Variants in KMT2C observed in about 807,000 individuals in gnomAD.
The protein encoded by KMT2C is histone-lysine N-methyltransferase 2C.
KMT2C carries 88 observed loss-of-function variants against 507.9 expected under a neutral mutation model. The observed-to-expected ratio is 0.17, with a 90% CI of 0.15 to 0.21. KMT2C has a LOEUF of 0.21. Ranked by LOEUF, KMT2C falls within the 10% of genes least tolerant of loss-of-function variation. The pLI, the probability that KMT2C is intolerant of heterozygous loss-of-function variation, is 1.00. For synonymous variants in KMT2C, 2,049 were observed against 2,080.8 expected, an observed-to-expected ratio of 0.98 and a Z score of 0.42; for missense variants, 4,954 against 5,957.8, an observed-to-expected ratio of 0.83 and a Z score of 5.55.
chr7:152,219,046 T>A (rs2129144738), intron 23 of KMT2C, among the ~76,000 whole-genome samples: 1 of 152,038 alleles, frequency 6.6e-6, no homozygotes, highest in Non-Finnish European at 1.5e-5. Flanking sequence ...CTCAGCTCAC[T>A]GTAACCTCCG....
intron 1 of KMT2C, chr7:152,367,933 A>G (rs1253110604): frequency 5.1e-6 from 5 of 979,944 alleles, no homozygotes; most frequent in Non-Finnish European, 8.2e-6. Flanking sequence ...CTTATTGCCA[A>G]AGCAGACACA....
chr7:152,232,968 T>C (rs1214543924), intron 16 of KMT2C, among the ~76,000 whole-genome samples: 1 of 152,122 alleles, frequency 6.6e-6, no homozygotes, highest in Non-Finnish European at 1.5e-5. Context: ...ATTGTAAAGA[T>C]CCATTATTAT....
chr7:152,430,718 C>T (rs2097856658), intron 1 of KMT2C, among the ~76,000 whole-genome samples: 1 of 152,094 alleles, frequency 6.6e-6, no homozygotes, highest in Non-Finnish European at 1.5e-5. Context: ...AGAGACAAGG[C>T]CTCACTTTGT....
In KMT2C at chr7:152,310,056, G is replaced by C. The variant is rs1176985236; in HGVS notation, c.759C>G (p.His253Gln). 3 of 1,612,728 alleles carry C rather than the reference G, an allele frequency of 1.9e-6. No individual in the cohort carries two copies. The highest frequency in any genetic ancestry group is 1.7e-5 in the Admixed American group (1 of 59,882). The change falls in exon 6 of 59, where the codon CAC (histidine) becomes CAG (glutamine). Residue 253 changes from histidine (H) to glutamine (Q), a missense_variant. His to Gln is a conservative substitution (Grantham distance 24). Coordinates refer to ENST00000262189, the MANE Select transcript of KMT2C (RefSeq NM_170606.3). ...FDSTGTCWAH[H>Q]RCVEWSLGVC... is the part of the protein sequence containing the mutation. ...CTCCTAGTGACCACTCCACACAACG[G>C]TGATGAGCCCAACAAGTGCCTAAAA...
chr7:152,181,177 C>T lies in KMT2C; in HGVS notation c.6683G>A (p.Arg2228Lys). Residue 2228 changes from arginine (R) to lysine (K), a missense_variant, in exon 36 of 59, where the codon AGG becomes AAG. Around this residue, in one of 29 missense-constraint regions of KMT2C, gnomAD observed 1,689 missense variants for 1,654.3 expected, o/e 1.02. Transcript: ENST00000262189. ...GGACCTAGTAAAACCCTCTGAAATC[C>T]TTGGCCTTGGTGTTGCTGGTGGCTG... Reference protein sequence around the residue: ...YSQPPATPRPRISEGFTRSSM... With the variant: ...YSQPPATPRPKISEGFTRSSM... The T allele has an allele frequency of 6.2e-7, 1 of 1,614,074 alleles. No individual in the cohort carries two copies. The highest frequency in any genetic ancestry group is 8.5e-7 in the Non-Finnish European group (1 of 1,180,012).
At chr7:152,362,950 T>C (rs1452243646) in intron 1 of KMT2C, among the ~76,000 whole-genome samples, 2 of 152,238 alleles carry the variant, frequency 1.3e-5, no homozygotes, top group African/African-American at 4.8e-5. Flanking sequence ...TGGACCAACT[T>C]ATTGACATCA....
chr7:152,248,655 C>A, intron 13 of KMT2C, 35 bp from the exon 14 acceptor site: 2 of 1,392,486 alleles, frequency 1.4e-6, no homozygotes, highest in Admixed American at 2.1e-5. Context: ...TGGCAATGTA[C>A]AAACAAATTT....
intron 6 of KMT2C, among the ~76,000 whole-genome samples, chr7:152,295,837 C>A (rs964211646): frequency 6.6e-5 from 10 of 151,954 alleles, no homozygotes; most frequent in African/African-American, 2.2e-4. Flanking sequence ...GAGGCCGAGG[C>A]GGGCAGATCA....
intron 1 of KMT2C, among the ~76,000 whole-genome samples, chr7:152,411,031 A>G (rs76019234): frequency 1.4e-5 from 2 of 145,324 alleles, no homozygotes; most frequent in African/African-American, 5.1e-5. Context: ...GTGTGTGTAT[A>G]TATGTATATG....
intron 6 of KMT2C, among the ~76,000 whole-genome samples, chr7:152,298,644 G>C (rs2096537187): frequency 6.6e-6 from 1 of 152,086 alleles, no homozygotes; most frequent in African/African-American, 2.4e-5. Context: ...AATGTTAAAG[G>C]ATATTCTCCA....
At chr7:152,214,508 A>G (rs564564700) in intron 23 of KMT2C, among the ~76,000 whole-genome samples, 2 of 152,306 alleles carry the variant, frequency 1.3e-5, no homozygotes, top group African/African-American at 4.8e-5. Flanking sequence ...TAATTTTGGC[A>G]TAATGCAAAA....
intron 1 of KMT2C, among the ~76,000 whole-genome samples, chr7:152,428,897 T>C (rs982229013): frequency 2.6e-5 from 4 of 152,272 alleles, no homozygotes; most frequent in African/African-American, 9.6e-5. Flanking sequence ...AAACAGTTTA[T>C]AACTCCTGGA....
At chr7:152,359,105 C>T (rs1012364143) in intron 1 of KMT2C, among the ~76,000 whole-genome samples, 3 of 151,860 alleles carry the variant, frequency 2.0e-5, no homozygotes, top group Admixed American at 6.6e-5. Context: ...TTTTTAAAAG[C>T]TTTGTAAAAG....
intron 37 of KMT2C, 91 bp from the exon 38 acceptor site, chr7:152,178,101 A>G (rs959680849): frequency 1.6e-6 from 2 of 1,262,744 alleles, no homozygotes; most frequent in Admixed American, 7.1e-5. Context: ...GTCTTCAATT[A>G]AACTGTACAT....
At chr7:152,219,328 A>C (rs2094690746) in intron 23 of KMT2C, among the ~76,000 whole-genome samples, 2 of 152,130 alleles carry the variant, frequency 1.3e-5, no homozygotes, top group Admixed American at 1.3e-4. Flanking sequence ...ATTATAATTA[A>C]CTGATTTTTT....
At chr7:152,157,667 G>T in intron 44 of KMT2C, 1 of 777,130 alleles carries the variant, frequency 1.3e-6, no homozygotes, top group Non-Finnish European at 1.7e-6. Context: ...TGGAAGAGTA[G>T]ATGTAAACTA....
intron 1 of KMT2C, among the ~76,000 whole-genome samples, chr7:152,425,335 G>T (rs1248366950): frequency 1.3e-5 from 2 of 152,180 alleles, no homozygotes; most frequent in African/African-American, 4.8e-5. Flanking sequence ...CTGCACTTTG[G>T]AAGGCCAAGG....
chr7:152,272,762 T>C (rs2096001087), intron 7 of KMT2C, among the ~76,000 whole-genome samples: 1 of 152,192 alleles, frequency 6.6e-6, no homozygotes, highest in Non-Finnish European at 1.5e-5. Flanking sequence ...GAAATTATGG[T>C]ACTCAACAAA....
At chr7:152,170,959 G>A (rs1052799256) in intron 40 of KMT2C, among the ~76,000 whole-genome samples, 13 of 152,112 alleles carry the variant, frequency 8.5e-5, no homozygotes, top group Admixed American at 2.0e-4. Flanking sequence ...CTTTTTACCC[G>A]TAAGTATATA....
Sources: gnomAD v4.1 joint callset for allele counts (sites outside exome capture counted in the v4.1 genomes callset) on GRCh38, gnomAD v4.1.1 for gene constraint, gnomAD v4.1.1 regional missense constraint, MANE v1.5 for transcripts, NCBI Gene and HGNC (gene_info 2026-07-23, HGNC 2026-07-21) for gene names.